FAR2: variants seen among roughly 807,000 people sequenced by gnomAD.
FAR2 encodes the protein epididymis secretory protein Li 81.
A neutral mutation model predicts 56.0 loss-of-function variants in FAR2; 19 were observed. That is an observed-to-expected ratio of 0.34 (90% confidence interval 0.24 to 0.50). The LOEUF (loss-of-function observed/expected upper bound fraction) is 0.50, where lower values mean the gene tolerates loss of function less well. Ranked by LOEUF, FAR2 falls within the 20% of genes least tolerant of loss-of-function variation. The pLI is 0.98. For synonymous variants in FAR2, 219 were observed against 218.8 expected, an observed-to-expected ratio of 1.00 and a Z score of -0.01; for missense variants, 508 against 642.2, an observed-to-expected ratio of 0.79 and a Z score of 2.26.
intron 1 of FAR2, among the ~76,000 whole-genome samples, chr12:29,268,035 A>G (rs1948547348): frequency 6.6e-6 from 1 of 152,208 alleles, no homozygotes; most frequent in South Asian, 2.1e-4. Context: ...TTAGTAAATA[A>G]TTCCCCAAAG....
At chr12:29,183,684 A>G (rs1950012479) in intron 1 of FAR2, among the ~76,000 whole-genome samples, 1 of 152,230 alleles carries the variant, frequency 6.6e-6, no homozygotes, top group African/African-American at 2.4e-5. Context: ...AAATATGGCT[A>G]TAGTGTTTTG....
At chr12:29,256,626 T>G (rs1948321406) in intron 1 of FAR2, among the ~76,000 whole-genome samples, 1 of 152,160 alleles carries the variant, frequency 6.6e-6, no homozygotes, top group African/African-American at 2.4e-5. Flanking sequence ...TCCCTCACCT[T>G]GCAGGGAGGT....
chr12:29,253,141 G>C (rs1313124789), intron 1 of FAR2, among the ~76,000 whole-genome samples: 1 of 149,768 alleles, frequency 6.7e-6, no homozygotes, highest in Non-Finnish European at 1.5e-5. Flanking sequence ...AACTGTGTGA[G>C]ACGACTTCTT....
chr12:29,313,316 CAT>C (rs1003178350), intron 8 of FAR2, among the ~76,000 whole-genome samples: 15 of 152,240 alleles, frequency 9.9e-5, no homozygotes, highest in African/African-American at 2.4e-4. Flanking sequence ...AATAATGCCA[CAT>C]ATGTTTTAAT....
chr12:29,308,057 G>A (rs534509785), intron 5 of FAR2: 3 of 432,730 alleles, frequency 6.9e-6, no homozygotes, highest in African/African-American at 2.0e-5. Flanking sequence ...AGAGTTGGAC[G>A]GAGAGCTTAA....
At chr12:29,155,636 T>C (rs1455462547) in intron 1 of FAR2, among the ~76,000 whole-genome samples, 1 of 152,234 alleles carries the variant, frequency 6.6e-6, no homozygotes, top group South Asian at 2.1e-4. Context: ...TGGGAAAAAT[T>C]ATAGGAAATT....
At chr12:29,211,682 A>T (rs1947551306) in intron 1 of FAR2, among the ~76,000 whole-genome samples, 1 of 152,026 alleles carries the variant, frequency 6.6e-6, no homozygotes, top group Admixed American at 6.6e-5. Flanking sequence ...GCTGTAGAAA[A>T]ATCATAGCTG....
chr12:29,185,600 A>G (rs1228369791), intron 1 of FAR2, among the ~76,000 whole-genome samples: 2 of 152,214 alleles, frequency 1.3e-5, no homozygotes, highest in Non-Finnish European at 2.9e-5. Flanking sequence ...AATCAAGACA[A>G]AAAAGGGAGT....
At chr12:29,211,715 A>G (rs1224303303) in intron 1 of FAR2, among the ~76,000 whole-genome samples, 2 of 152,052 alleles carry the variant, frequency 1.3e-5, no homozygotes, top group East Asian at 1.9e-4. Flanking sequence ...ATTGAAAAAG[A>G]TGGTGCTATG....
intron 1 of FAR2, among the ~76,000 whole-genome samples, chr12:29,248,362 C>T (rs532460675): frequency 7.2e-5 from 11 of 152,192 alleles, no homozygotes; most frequent in African/African-American, 2.6e-4. Context: ...TTAAGCTGGG[C>T]GTCCAGGGGA....
intron 1 of FAR2, among the ~76,000 whole-genome samples, chr12:29,197,639 T>G (rs969055228): frequency 1.3e-5 from 2 of 152,216 alleles, no homozygotes; most frequent in Admixed American, 6.5e-5. Flanking sequence ...CCAGTAAAAC[T>G]TTTTAAACTT....
rs146477515 is a variant in FAR2 at position 29,191,958 on chromosome 12, C to T, written c.-39+42551C>T. On this transcript the variant is annotated intron_variant, in intron 1 of 11. Coordinates refer to ENST00000536681, the MANE Select transcript of FAR2 (RefSeq NM_001271783.2). The stretch of plus-strand genomic sequence containing the variant: ...ACAAATTCTTGTATAGAGACTACTA[C>T]TCCTTTAAAATAAATAGTGGACTCT... 1.2e-3 allele frequency among the ~76,000 whole-genome samples: 183 copies of T among 152,044 alleles called. 3 individuals carry two copies. Among genetic ancestry groups the T allele is most frequent in the Admixed American group, 0.01 (160 of 15,298 alleles).
chr12:29,149,596 C>G lies in FAR2; in HGVS notation c.-39+189C>G, dbSNP rs193090982. ...AGAAGCATTTGCGGAGGCTCTGCCCCCTGAAGCTGCCCCCGGCTGCACCCC... is the reference window on the plus strand; with the variant it reads ...AGAAGCATTTGCGGAGGCTCTGCCCGCTGAAGCTGCCCCCGGCTGCACCCC... On this transcript the variant is annotated intron_variant, in intron 1 of 11. Transcript: ENST00000536681. Among the ~76,000 whole-genome samples the G allele has an allele frequency of 2.0e-3, 300 of 152,348 alleles. 1 individual carries two copies. Among genetic ancestry groups the G allele is most frequent in the Admixed American group, 3.3e-3 (50 of 15,310 alleles).
In FAR2 at chr12:29,309,245, G is replaced by C; in HGVS notation, c.768+15G>C. 3 of 1,578,322 alleles carry C rather than the reference G, an allele frequency of 1.9e-6. No homozygotes were observed. The highest frequency in any genetic ancestry group is 1.1e-5 in the South Asian group (1 of 89,444). ...TCATTATTGCGGTATGTATAATGAT[G>C]AAGAAATAACTCCCTGAAATGTAGT... On this transcript the variant is annotated intron_variant, in intron 6 of 11. Transcript: ENST00000536681.
intron 1 of FAR2, among the ~76,000 whole-genome samples, chr12:29,150,760 T>C (rs1810614371): frequency 6.6e-6 from 1 of 152,192 alleles, no homozygotes; most frequent in Non-Finnish European, 1.5e-5. Flanking sequence ...TCCACGTCTT[T>C]ACAGTACTCT....
intron 1 of FAR2, among the ~76,000 whole-genome samples, chr12:29,261,108 A>G (rs1326266894): frequency 1.3e-5 from 2 of 152,258 alleles, no homozygotes; most frequent in Non-Finnish European, 2.9e-5. Context: ...AAGAACATCC[A>G]CAAGCATCAA....
At chr12:29,197,826 A>T (rs1950155508) in intron 1 of FAR2, among the ~76,000 whole-genome samples, 1 of 152,198 alleles carries the variant, frequency 6.6e-6, no homozygotes, top group Non-Finnish European at 1.5e-5. Context: ...TCTGTTGATC[A>T]TGGCTATCAA....
chr12:29,308,701 C>T (rs1047953064), intron 5 of FAR2, among the ~76,000 whole-genome samples: 1 of 127,262 alleles, frequency 7.9e-6, no homozygotes, highest in Admixed American at 7.5e-5. Context: ...CACACACACA[C>T]ACACACACAC....
intron 1 of FAR2, among the ~76,000 whole-genome samples, chr12:29,260,265 T>C (rs1275786501): frequency 1.3e-5 from 2 of 152,186 alleles, no homozygotes; most frequent in Non-Finnish European, 2.9e-5. Flanking sequence ...AAGCCATATC[T>C]TGAATGTGGA....
Sources: allele counts gnomAD v4.1 joint callset (sites outside exome capture counted in the v4.1 genomes callset), GRCh38; gene constraint gnomAD v4.1.1; transcripts MANE v1.5; gene names NCBI Gene and HGNC (gene_info 2026-07-23, HGNC 2026-07-21).